Variants in ADGRB3 observed in about 807,000 individuals in gnomAD.
ADGRB3 encodes brain-specific angiogenesis inhibitor 3.
In ADGRB3, 37 loss-of-function variants were observed where a neutral mutation model predicts 193.4. The observed-to-expected ratio is 0.19, with a 90% CI of 0.15 to 0.25. The LOEUF (loss-of-function observed/expected upper bound fraction) is 0.25, where lower values mean the gene tolerates loss of function less well. Ranked by LOEUF, ADGRB3 falls within the 10% of genes least tolerant of loss-of-function variation. The pLI, the probability that ADGRB3 is intolerant of heterozygous loss-of-function variation, is 1.00. For missense variants in ADGRB3, 1,637 were observed against 1,852.9 expected (o/e 0.88, Z 2.14); for synonymous variants, 690 against 644.2 (o/e 1.07, Z -1.08).
chr6:68,911,335 T>C (rs1766702965), intron 3 of ADGRB3, among the ~76,000 whole-genome samples: 1 of 151,388 alleles, frequency 6.6e-6, no homozygotes, highest in Admixed American at 6.6e-5. Context: ...AGTTAATGGG[T>C]GCAGCACAAC....
At chr6:69,330,477 TGTTA>T (rs773170490) in intron 22 of ADGRB3, 25 bp from the exon 23 acceptor site, 10 of 1,575,204 alleles carry the variant, frequency 6.3e-6, no homozygotes, top group Non-Finnish European at 8.7e-6. Context: ...CACTAATTTT[TGTTA>T]GTTCTTATCT....
At position 68,807,326 on chromosome 6, in the gene ADGRB3, C is replaced by T. The variant is rs139369848; in HGVS notation, c.758-123233C>T. On this transcript the variant is annotated intron_variant, in intron 3 of 31. Coordinates refer to ENST00000370598, the MANE Select transcript of ADGRB3 (RefSeq NM_001704.3). ...GATCTCAGCTCACTGCAGGCTCCGC[C>T]CCGCGGGGTTCACGCCATTCTCCTA... Among the ~76,000 whole-genome samples, 268 of 150,208 alleles carry T rather than the reference C, an allele frequency of 1.8e-3. 3 individuals carry two copies. Among genetic ancestry groups the T allele is most frequent in the African/African-American group, 6.3e-3 (258 of 40,848 alleles).
At chr6:68,765,914 A>G (rs561516289) in intron 3 of ADGRB3, among the ~76,000 whole-genome samples, 1 of 152,018 alleles carries the variant, frequency 6.6e-6, no homozygotes, top group Non-Finnish European at 1.5e-5. Flanking sequence ...CTATATATTT[A>G]CATGTGTCTG....
At chr6:69,010,513 C>T (rs1769899900) in intron 11 of ADGRB3, among the ~76,000 whole-genome samples, 1 of 151,990 alleles carries the variant, frequency 6.6e-6, no homozygotes, top group East Asian at 1.9e-4. Context: ...ATATATCAAG[C>T]ACTTGCCATG....
At chr6:68,872,970 G>T (rs1765502212) in intron 3 of ADGRB3, among the ~76,000 whole-genome samples, 2 of 152,072 alleles carry the variant, frequency 1.3e-5, no homozygotes, top group Admixed American at 6.6e-5. Context: ...AGATAAAGTG[G>T]AGAGGAGAGA....
At position 68,752,028 on chromosome 6, in the gene ADGRB3, G is replaced by GT. The variant is rs1766209278; in HGVS notation, c.757+112597dup. 4.6e-5 allele frequency among the ~76,000 whole-genome samples: 7 copies of GT among 152,076 alleles called. No individual in the cohort carries two copies. The South Asian group carries it at 1.5e-3, about 32-fold the overall frequency. ...CCCACATCAACTTATGTATGATACT[G>GT]TGGGGGAAAAAAGGCATTTATAAGA... On this transcript the variant is annotated intron_variant, in intron 3 of 31. Transcript: ENST00000370598.
rs115019196 is a variant in ADGRB3, at chr6:68,930,146, C to T, written c.758-413C>T. The stretch of plus-strand genomic sequence containing the variant: ...GTTACAGGACTGAGTAATCTAGTAA[C>T]AAGAAAACTGCTGACAAACTTCTGG... On this transcript the variant is annotated intron_variant, in intron 3 of 31. Coordinates refer to ENST00000370598, the MANE Select transcript of ADGRB3 (RefSeq NM_001704.3). Among the ~76,000 whole-genome samples the T allele has an allele frequency of 9.9e-3, 1,496 of 150,808 alleles. 22 individuals are homozygous for T. Among genetic ancestry groups the T allele is most frequent in the African/African-American group, 0.034 (1,410 of 41,138 alleles).
In ADGRB3 at chr6:68,752,947, C is replaced by T. The variant is rs1449819336; in HGVS notation, c.757+113515C>T. Among the ~76,000 whole-genome samples, 7 of 152,038 alleles carry T rather than the reference C, an allele frequency of 4.6e-5. No homozygotes were observed. The South Asian group carries it at 6.2e-4, about 14-fold the overall frequency. On this transcript the variant is annotated intron_variant, in intron 3 of 31. Transcript: ENST00000370598. ...AGCTTTGAAAATCATTAAGAGATGG[C>T]TGAGGGAAAGTGAAGGAGTTTGTTC...
At chr6:69,218,038 T>A (rs1177604302) in intron 17 of ADGRB3, among the ~76,000 whole-genome samples, 1 of 137,784 alleles carries the variant, frequency 7.3e-6, no homozygotes, top group Non-Finnish European at 1.5e-5. Context: ...CATATTCTGG[T>A]GAACATGTAA....
chr6:69,005,432 T>C (rs759750530), intron 11 of ADGRB3, among the ~76,000 whole-genome samples: 8 of 152,032 alleles, frequency 5.3e-5, no homozygotes, highest in Non-Finnish European at 1.2e-4. Context: ...TCTTACATCA[T>C]GGCAAAGCAA....
At chr6:68,748,910 C>T (rs1766137381) in intron 3 of ADGRB3, among the ~76,000 whole-genome samples, 1 of 152,220 alleles carries the variant, frequency 6.6e-6, no homozygotes, top group Admixed American at 6.5e-5. Context: ...AACATCTGTG[C>T]ATCCACAGGC....
At chr6:68,818,851 A>C (rs1170005825) in intron 3 of ADGRB3, among the ~76,000 whole-genome samples, 1 of 152,116 alleles carries the variant, frequency 6.6e-6, no homozygotes, top group East Asian at 1.9e-4. Flanking sequence ...CTCTCTTTCA[A>C]ATTCAGAAAG....
chr6:69,208,248 C>T (rs1052832321), intron 17 of ADGRB3, among the ~76,000 whole-genome samples: 15 of 152,182 alleles, frequency 9.9e-5, no homozygotes, highest in African/African-American at 2.9e-4. Flanking sequence ...TCAAAATCCT[C>T]CTCTGCTGAG....
At chr6:69,221,056 A>C (rs1422852494) in intron 17 of ADGRB3, among the ~76,000 whole-genome samples, 1 of 152,108 alleles carries the variant, frequency 6.6e-6, no homozygotes, top group Non-Finnish European at 1.5e-5. Context: ...CTTCTAATCT[A>C]TGCAATCCCA....
chr6:69,115,829 G>C (rs1773516003), intron 17 of ADGRB3, among the ~76,000 whole-genome samples: 1 of 152,052 alleles, frequency 6.6e-6, no homozygotes, highest in South Asian at 2.1e-4. Context: ...GAGCATGGCT[G>C]GCATATGAGT....
At chr6:69,075,414 A>G (rs1772199425) in intron 16 of ADGRB3, among the ~76,000 whole-genome samples, 1 of 152,180 alleles carries the variant, frequency 6.6e-6, no homozygotes, top group Non-Finnish European at 1.5e-5. Flanking sequence ...ATAATTATTG[A>G]AGTAAATTTA....
intron 17 of ADGRB3, among the ~76,000 whole-genome samples, chr6:69,169,243 G>A (rs1177149818): frequency 6.6e-6 from 1 of 152,012 alleles, no homozygotes; most frequent in African/African-American, 2.4e-5. Flanking sequence ...TTTTACAACT[G>A]ACTACTGAAA....
At chr6:68,655,794 G>A (rs1185393294) in intron 3 of ADGRB3, among the ~76,000 whole-genome samples, 2 of 151,536 alleles carry the variant, frequency 1.3e-5, no homozygotes, top group African/African-American at 4.8e-5. Flanking sequence ...CCAAATGATG[G>A]TTTCCTGAAG....
In ADGRB3 at chr6:68,839,117, C is replaced by A. The variant is rs543127579; in HGVS notation, c.758-91442C>A. Among the ~76,000 whole-genome samples the A allele has an allele frequency of 2.5e-3, 381 of 150,812 alleles. 4 individuals are homozygous for A. Among genetic ancestry groups the A allele is most frequent in the African/African-American group, 8.8e-3 (359 of 40,584 alleles). ...ACACACACACACACACACATTCCCACATACACACATTAGACCTTCCTATAA... is the reference window on the plus strand; with the variant it reads ...ACACACACACACACACACATTCCCAAATACACACATTAGACCTTCCTATAA... On this transcript the variant is annotated intron_variant, in intron 3 of 31. Transcript: ENST00000370598.
Sources: allele counts gnomAD v4.1 joint callset (sites outside exome capture counted in the v4.1 genomes callset), GRCh38; gene constraint gnomAD v4.1.1; transcripts MANE v1.5; gene names NCBI Gene and HGNC (gene_info 2026-07-23, HGNC 2026-07-21).